Variants in TRPS1 observed in about 807,000 individuals in gnomAD.
TRPS1 encodes the protein zinc finger transcription factor Trps1.
Under a neutral mutation model 101.2 loss-of-function variants are expected in TRPS1, and 6 were observed. The observed-to-expected ratio is 0.06, with a 90% CI of 0.03 to 0.12. The LOEUF is 0.12. Ranked by LOEUF, TRPS1 falls within the 10% of genes least tolerant of loss-of-function variation. The probability of loss-of-function intolerance (pLI) is 1.00; values close to 1 mark genes in which losing one functional copy is unlikely to be tolerated. For missense variants in TRPS1, 1,363 were observed against 1,567.0 expected (o/e 0.87, Z 2.20); for synonymous variants, 578 against 589.8 (o/e 0.98, Z 0.29).
intron 1 of TRPS1, among the ~76,000 whole-genome samples, chr8:115,630,540 T>C (rs2130560117): frequency 6.6e-6 from 1 of 152,120 alleles, no homozygotes; most frequent in East Asian, 1.9e-4. Context: ...TTTAATTGAA[T>C]GTTGAAAGAA....
chr8:115,533,458 TTC>T lies in TRPS1; in HGVS notation c.2700+53541_2700+53542del, dbSNP rs1176207759. On this transcript the variant is annotated intron_variant, in intron 5 of 6. Coordinates refer to ENST00000395715, the MANE Select transcript of TRPS1 (RefSeq NM_014112.5). ...TCTGTTTTTTTTTTTTTTTTTTTTT[TTC>T]CTGAAAAAAATCATGAGTGAGTTAA... Among the ~76,000 whole-genome samples, 597 of 134,942 alleles carry T rather than the reference TTC, an allele frequency of 4.4e-3. 74 individuals are homozygous for T. The highest frequency in any genetic ancestry group is 8.4e-3 in the African/African-American group (300 of 35,836). The allele number at this position is 134,942 out of a possible 152,430, so 88.5% of individuals were successfully genotyped here.
Position 115,533,971 on chromosome 8 carries a change from T to C in TRPS1, c.2700+53030A>G, listed in dbSNP as rs986328077. Among the ~76,000 whole-genome samples, 3 of 152,178 alleles carry C rather than the reference T, an allele frequency of 2.0e-5. No homozygotes were observed. The South Asian group carries it at 6.2e-4, about 32-fold the overall frequency. On this transcript the variant is annotated intron_variant, in intron 5 of 6. Coordinates refer to ENST00000395715, the MANE Select transcript of TRPS1 (RefSeq NM_014112.5). ...CCCTAATTACATCTTAAAAGCCCCA[T>C]CCCGAAACACCATCAGACTGGAGAT...
At chr8:115,662,248 T>C (rs1393596427) in intron 1 of TRPS1, among the ~76,000 whole-genome samples, 1 of 152,060 alleles carries the variant, frequency 6.6e-6, no homozygotes, top group Admixed American at 6.6e-5. Context: ...ATGCTTTTTA[T>C]AGTCATAAAT....
chr8:115,514,446 T>A (rs1240688764), intron 5 of TRPS1, among the ~76,000 whole-genome samples: 1 of 151,712 alleles, frequency 6.6e-6, no homozygotes, highest in Non-Finnish European at 1.5e-5. Flanking sequence ...ACCTCTTTTA[T>A]TAGATAAAGG....
At chr8:115,624,912 C>T (rs1818472079) in intron 1 of TRPS1, among the ~76,000 whole-genome samples, 1 of 151,590 alleles carries the variant, frequency 6.6e-6, no homozygotes, top group Non-Finnish European at 1.5e-5. Context: ...TATCTAGATA[C>T]TGTAAATTAA....
chr8:115,459,924 T>C (rs148255953), intron 5 of TRPS1, among the ~76,000 whole-genome samples: 365 of 152,300 alleles, frequency 2.4e-3, no homozygotes, highest in African/African-American at 8.5e-3. Flanking sequence ...AATAACATTG[T>C]TTAAAATGAT....
chr8:115,655,904 C>T (rs950561562), intron 1 of TRPS1, among the ~76,000 whole-genome samples: 2 of 152,104 alleles, frequency 1.3e-5, no homozygotes, highest in African/African-American at 2.4e-5. Flanking sequence ...GATGTGATTA[C>T]ATCGGACCAA....
At chr8:115,493,918 C>G (rs1166607132) in intron 5 of TRPS1, among the ~76,000 whole-genome samples, 4 of 152,142 alleles carry the variant, frequency 2.6e-5, no homozygotes, top group Non-Finnish European at 4.4e-5. Context: ...AAAGAAAACA[C>G]TGATTTATAA....
At chr8:115,531,584 C>T (rs961175908) in intron 5 of TRPS1, among the ~76,000 whole-genome samples, 9 of 151,900 alleles carry the variant, frequency 5.9e-5, no homozygotes, top group Admixed American at 2.6e-4. Flanking sequence ...GTCAGAAGGA[C>T]GGATGAAAGG....
chr8:115,663,242 A>T (rs1297121434), intron 1 of TRPS1, among the ~76,000 whole-genome samples: 2 of 147,912 alleles, frequency 1.4e-5, no homozygotes, highest in East Asian at 3.9e-4. Context: ...GCCCGTTCTT[A>T]CTTGAACTTT....
At chr8:115,460,155 T>G (rs1814131389) in intron 5 of TRPS1, among the ~76,000 whole-genome samples, 1 of 152,116 alleles carries the variant, frequency 6.6e-6, no homozygotes. Context: ...ACACATAGTG[T>G]TCAATAAATG....
intron 5 of TRPS1, among the ~76,000 whole-genome samples, chr8:115,553,472 T>G (rs1261529453): frequency 6.6e-6 from 1 of 152,132 alleles, no homozygotes; most frequent in African/African-American, 2.4e-5. Context: ...TAACATGAAG[T>G]TTAGGCTGAC....
intron 5 of TRPS1, among the ~76,000 whole-genome samples, chr8:115,549,544 T>C (rs1019722095): frequency 2.0e-5 from 3 of 152,152 alleles, no homozygotes; most frequent in South Asian, 4.1e-4. Flanking sequence ...GGGATTCCCC[T>C]GTCCCCTTTT....
intron 1 of TRPS1, among the ~76,000 whole-genome samples, chr8:115,643,688 T>C (rs892554809): frequency 6.6e-6 from 1 of 152,240 alleles, no homozygotes; most frequent in African/African-American, 2.4e-5. Context: ...CTGCTAATGT[T>C]GATGTTTTGA....
chr8:115,449,610 T>TA (rs991219186), intron 5 of TRPS1, among the ~76,000 whole-genome samples: 1 of 152,234 alleles, frequency 6.6e-6, no homozygotes, highest in Non-Finnish European at 1.5e-5. Context: ...AGCAGCTAGC[T>TA]AGAGGTCTGT....
chr8:115,429,377 T>G (rs1232214208), intron 5 of TRPS1, among the ~76,000 whole-genome samples: 1 of 152,196 alleles, frequency 6.6e-6, no homozygotes, highest in Non-Finnish European at 1.5e-5. Context: ...TATACATACG[T>G]AAAAATTCTC....
chr8:115,492,457 C>CTGTGTGTG (rs72046761), intron 5 of TRPS1, among the ~76,000 whole-genome samples: 3 of 145,382 alleles, frequency 2.1e-5, no homozygotes, highest in African/African-American at 7.4e-5. Flanking sequence ...GTGCCAAGCA[C>CTGTGTGTG]TGTGTGTGTG....
At chr8:115,628,719 G>C (rs986143039) in intron 1 of TRPS1, among the ~76,000 whole-genome samples, 1 of 151,782 alleles carries the variant, frequency 6.6e-6, no homozygotes, top group African/African-American at 2.4e-5. Flanking sequence ...AGAACATTCT[G>C]CCATGCTCAC....
intron 1 of TRPS1, among the ~76,000 whole-genome samples, chr8:115,658,654 T>C (rs556937150): frequency 9.8e-5 from 15 of 152,296 alleles, no homozygotes; most frequent in African/African-American, 3.4e-4. Context: ...GTGAGAAGAA[T>C]ATGTATGTCC....
Sources: allele counts gnomAD v4.1 joint callset (sites outside exome capture counted in the v4.1 genomes callset), GRCh38; gene constraint gnomAD v4.1.1; transcripts MANE v1.5; gene names NCBI Gene and HGNC (gene_info 2026-07-23, HGNC 2026-07-21).